PLCB3: variants seen among roughly 807,000 people sequenced by gnomAD.
PLCB3 encodes phospholipase C beta 3.
In PLCB3, 54 loss-of-function variants were observed where a neutral mutation model predicts 152.1. That is an observed-to-expected ratio of 0.36 (90% CI 0.29 to 0.45). The LOEUF is 0.45. Among genes scored for constraint, PLCB3 ranks in the 20% least tolerant of loss-of-function variants. PLCB3 has a pLI of 1.00. For synonymous variants in PLCB3, 717 were observed against 698.7 expected (o/e 1.03, Z -0.41); for missense variants, 1,248 against 1,687.5 (o/e 0.74, Z 4.56).
rs2032153616 is a variant in PLCB3, at chr11:64,266,924, G to C, written c.3415-261G>C. ...TTCTCTTGCCTCAGCCTCCCGAGTA[G>C]CTGGGATTACAGGCATCCGCCACCA... On this transcript the variant is annotated intron_variant, in intron 29 of 30. Transcript: ENST00000279230. This position sits in a 1 kb window ranked among gnomAD's most constrained non-coding sequence, Gnocchi z 4.9. Among the ~76,000 whole-genome samples the C allele has an allele frequency of 1.3e-5, 2 of 152,176 alleles. No individual in the cohort carries two copies. The highest frequency in any genetic ancestry group is 4.8e-5 in the African/African-American group (2 of 41,438).
chr11:64,263,874 G>A lies in PLCB3; in HGVS notation c.2560+79G>A, dbSNP rs1036254968. 32 of 1,282,834 alleles carry A rather than the reference G, an allele frequency of 2.5e-5. No homozygotes were observed. In the Admixed American group the frequency reaches 3.1e-4, roughly 13 times the overall value. 79.5% of individuals were successfully genotyped at this position (1,282,834 alleles called of 1,614,324 possible). ...CCACCCCCAGGGCCTGGGAGTGGCCGAGCTGGATGGCCCCGACTGAGTAGG... is the reference window on the plus strand; with the variant it reads ...CCACCCCCAGGGCCTGGGAGTGGCCAAGCTGGATGGCCCCGACTGAGTAGG... On this transcript the variant is annotated intron_variant, in intron 21 of 30. Coordinates refer to ENST00000279230, the MANE Select transcript of PLCB3 (RefSeq NM_000932.5).
At chr11:64,253,866 C>T (rs575412089) in intron 1 of PLCB3, among the ~76,000 whole-genome samples, 10 of 152,262 alleles carry the variant, frequency 6.6e-5, no homozygotes, top group African/African-American at 2.4e-4. Flanking sequence ...AGGACCCCGG[C>T]AGATGTGGTA....
downstream of PLCB3, among the ~76,000 whole-genome samples, chr11:64,269,422 G>T (rs531577383): frequency 2.0e-4 from 30 of 152,328 alleles, no homozygotes; most frequent in African/African-American, 7.0e-4. Context: ...CCGGGTCCCC[G>T]CATGAAGCCT....
Position 64,264,044 on chromosome 11 carries a change from C to T in PLCB3, c.2584C>T (p.Pro862Ser). Residue 862 changes from proline (P) to serine (S), a missense_variant, in exon 22 of 31, where the codon CCC becomes TCC. Coordinates refer to ENST00000279230, the MANE Select transcript of PLCB3 (RefSeq NM_000932.5). Reference protein sequence around the residue: ...HQDYAEALINPIKHVSLMDQR... With the variant: ...HQDYAEALINSIKHVSLMDQR... The stretch of plus-strand genomic sequence containing the variant: ...AGACTATGCGGAGGCCCTGATCAAC[C>T]CCATTAAGCACGTCAGCCTGATGGA... 6.4e-7 allele frequency: 1 copy of T among 1,572,824 alleles called. No individual in the cohort carries two copies. Among genetic ancestry groups the T allele is most frequent in the South Asian group, 1.2e-5 (1 of 84,874 alleles).
At chr11:64,263,156 C>T (rs910854675) in intron 19 of PLCB3, among the ~76,000 whole-genome samples, 1 of 152,224 alleles carries the variant, frequency 6.6e-6, no homozygotes, top group South Asian at 2.1e-4. Context: ...CCTGCATGGA[C>T]GCGGCCTCTG....
At position 64,266,421 on chromosome 11, in the gene PLCB3, C is replaced by A; in HGVS notation, c.3356+17C>A. ...GAAGGAGGCGTAAGGGCACCGGGAC[C>A]GGGGGCCATCTGGGTACTGGGGAGG... is the stretch of plus-strand genomic sequence containing the variant. On this transcript the variant is annotated intron_variant, in intron 28 of 30. Coordinates refer to ENST00000279230, the MANE Select transcript of PLCB3 (RefSeq NM_000932.5). The surrounding 1 kb of genome is among the most constrained non-coding windows in gnomAD (Gnocchi z 4.9). 6.3e-7 allele frequency: 1 copy of A among 1,599,676 alleles called. No homozygotes were observed. The highest frequency in any genetic ancestry group is 1.1e-5 in the South Asian group (1 of 90,758).
chr11:64,265,261 C>T, intron 24 of PLCB3, 34 bp downstream of exon 24: 1 of 1,587,346 alleles, frequency 6.3e-7, no homozygotes, highest in South Asian at 1.1e-5. Context: ...CAGGGGGCTG[C>T]CTTGCAGGTT....
chr11:64,260,288 G>A, intron 14 of PLCB3, 54 bp downstream of exon 14: 2 of 1,340,250 alleles, frequency 1.5e-6, no homozygotes, highest in Non-Finnish European at 2.1e-6. Flanking sequence ...TACCTCCCAG[G>A]GGGCTGGGTC....
At chr11:64,261,312 G>A (rs1013820904) in intron 14 of PLCB3, 88 bp from the exon 15 acceptor site, 1 of 938,692 alleles carries the variant, frequency 1.1e-6, no homozygotes, top group Non-Finnish European at 1.8e-6. Flanking sequence ...GCTGGGAAGA[G>A]GGTCAGCACC....
chr11:64,253,106 G>A (rs2031322405), intron 1 of PLCB3, among the ~76,000 whole-genome samples: 1 of 152,234 alleles, frequency 6.6e-6, no homozygotes, highest in African/African-American at 2.4e-5. Flanking sequence ...CCTGCCATGG[G>A]TGGGGCTGGT....
In PLCB3 at chr11:64,266,688, G is replaced by C. The variant is rs568839816; in HGVS notation, c.3414+136G>C. The C allele has an allele frequency of 3.2e-5, 26 of 809,836 alleles. No homozygotes were observed. Among genetic ancestry groups the C allele is most frequent in the Non-Finnish European group, 1.9e-5 (9 of 485,856 alleles). 50.2% of individuals were successfully genotyped at this position (809,836 alleles called of 1,614,324 possible). A position where few individuals can be genotyped will look rare whatever the true frequency, so the allele number is the denominator to read the frequency against. On this transcript the variant is annotated intron_variant, in intron 29 of 30. Transcript: ENST00000279230. The surrounding 1 kb of genome is among the most constrained non-coding windows in gnomAD (Gnocchi z 4.9). Reference sequence around the variant, plus strand: ...TTTCTCAAGTGCCCAACAGCCCCAGGGTACCCACATCATACCCAAAGCCAA... The same window carrying C: ...TTTCTCAAGTGCCCAACAGCCCCAGCGTACCCACATCATACCCAAAGCCAA...
chr11:64,251,974 C>T (rs1591096620), intron 1 of PLCB3, among the ~76,000 whole-genome samples: 1 of 151,866 alleles, frequency 6.6e-6, no homozygotes, highest in Non-Finnish European at 1.5e-5. Flanking sequence ...CTCCTTGGCG[C>T]AGAGACTTTG....
chr11:64,267,603 A>T lies in PLCB3; in HGVS notation c.*47A>T. On this transcript the variant is annotated 3_prime_UTR_variant, in exon 31 of 31. Transcript: ENST00000279230. The surrounding 1 kb of genome is among the most constrained non-coding windows in gnomAD (Gnocchi z 5.2). Reference sequence around the variant, plus strand: ...CAGGGCCAGGGCGGGCGCTGGGTGGAGGGCAGGAGGCAATGACACTAATGC... The same window carrying T: ...CAGGGCCAGGGCGGGCGCTGGGTGGTGGGCAGGAGGCAATGACACTAATGC... 292 of 1,097,182 alleles carry T rather than the reference A, an allele frequency of 2.7e-4. No homozygotes were observed. Among genetic ancestry groups the T allele is most frequent in the Non-Finnish European group, 3.5e-4 (265 of 766,980 alleles). 68.0% of individuals were successfully genotyped at this position (1,097,182 alleles called of 1,614,324 possible).
In PLCB3 at chr11:64,266,231, G is replaced by A. The variant is rs199766157; in HGVS notation, c.3266+29G>A. 3.4e-4 allele frequency: 550 copies of A among 1,613,848 alleles called. No homozygotes were observed. The highest frequency in any genetic ancestry group is 4.2e-4 in the Non-Finnish European group (491 of 1,179,846). ...AAAGCCGAGGATTGTCTATGGGAAGGGCTGGGGACTTCTAGTACCAGAAGG... is the reference window on the plus strand; with the variant it reads ...AAAGCCGAGGATTGTCTATGGGAAGAGCTGGGGACTTCTAGTACCAGAAGG... On this transcript the variant is annotated intron_variant, in intron 27 of 30. Transcript: ENST00000279230. This position sits in a 1 kb window ranked among gnomAD's most constrained non-coding sequence, Gnocchi z 4.9.
At chr11:64,264,162 C>T (rs1207796226) in intron 22 of PLCB3, 50 bp downstream of exon 22, 12 of 1,210,630 alleles carry the variant, frequency 9.9e-6, no homozygotes, top group Admixed American at 7.3e-5. Context: ...CAGGGGGCCG[C>T]TGGACATGAC....
chr11:64,264,769 T>C (rs556749446), intron 22 of PLCB3, among the ~76,000 whole-genome samples, 182 bp from the exon 23 acceptor site: 1 of 152,082 alleles, frequency 6.6e-6, no homozygotes, highest in Non-Finnish European at 1.5e-5. Context: ...GGAAAAGGGG[T>C]TTAGAAAGGC....
Position 64,265,307 on chromosome 11 carries a change from C to T in PLCB3, c.2843-3C>T. 1 of 1,584,894 alleles carries T rather than the reference C, an allele frequency of 6.3e-7. No homozygotes were observed. ...CCGCCCACCTTTGCTCTGCCGCTCCCAGAGGTGGCCCCCACCCCGCTGGAT... is the reference window on the plus strand; with the variant it reads ...CCGCCCACCTTTGCTCTGCCGCTCCTAGAGGTGGCCCCCACCCCGCTGGAT... On this transcript the variant is annotated splice_polypyrimidine_tract_variant and splice_region_variant and intron_variant, in intron 24 of 30. Transcript: ENST00000279230.
rs762198591 is a variant in PLCB3 at position 64,267,820 on chromosome 11, C to T, written c.*264C>T. ...AGCTAGCAGCGTCTCCTCCCTTCCC[C>T]GGGAGAGCTGGCTGGAGACTTGGAG... is the stretch of plus-strand genomic sequence containing the variant. On this transcript the variant is annotated 3_prime_UTR_variant, in exon 31 of 31. Coordinates refer to ENST00000279230, the MANE Select transcript of PLCB3 (RefSeq NM_000932.5). The surrounding 1 kb of genome is among the most constrained non-coding windows in gnomAD (Gnocchi z 5.2). The T allele has an allele frequency of 1.0e-4, 44 of 432,340 alleles. No individual in the cohort carries two copies. The highest frequency in any genetic ancestry group is 6.4e-4 in the African/African-American group (31 of 48,472). The allele number at this position is 432,340 out of a possible 1,614,324, so 26.8% of individuals were successfully genotyped here. A position where few individuals can be genotyped will look rare whatever the true frequency, so the allele number is the denominator to read the frequency against.
intron 14 of PLCB3, 94 bp from the exon 15 acceptor site, chr11:64,261,306 G>T: frequency 1.1e-6 from 1 of 900,476 alleles, no homozygotes; most frequent in Non-Finnish European, 1.9e-6. Flanking sequence ...TATAGTGCTG[G>T]GAAGAGGGTC....
Sources: allele counts gnomAD v4.1 joint callset (sites outside exome capture counted in the v4.1 genomes callset), GRCh38; gene constraint gnomAD v4.1.1; non-coding constraint Gnocchi (gnomAD v3.1); transcripts MANE v1.5; gene names NCBI Gene and HGNC (gene_info 2026-07-23, HGNC 2026-07-21).